Variants in CTDSPL observed in about 807,000 individuals in gnomAD.
The protein encoded by CTDSPL is CTD small phosphatase-like protein.
Under a neutral mutation model 30.5 loss-of-function variants are expected in CTDSPL, and 8 were observed. The observed-to-expected ratio is 0.26, with a 90% CI of 0.15 to 0.47. The LOEUF (loss-of-function observed/expected upper bound fraction) is 0.47. CTDSPL is among the 20% of genes least tolerant of loss of function. The probability of loss-of-function intolerance (pLI) is 0.99; values close to 1 mark genes in which losing one functional copy is unlikely to be tolerated. For synonymous variants in CTDSPL, 110 were observed against 137.9 expected (o/e 0.80, Z 1.42); for missense variants, 248 against 366.1 (o/e 0.68, Z 2.63).
In CTDSPL at chr3:37,862,235, C is replaced by G; in HGVS notation, c.36C>G (p.Asn12Lys). The G allele has an allele frequency of 6.7e-7, 1 of 1,486,034 alleles. No individual in the cohort carries two copies. The highest frequency in any genetic ancestry group is 8.9e-7 in the Non-Finnish European group (1 of 1,121,124). 92.1% of individuals were successfully genotyped at this position (1,486,034 alleles called of 1,614,324 possible). The change falls in exon 1 of 8, where the codon AAC becomes AAG. Residue 12 changes from asparagine (N) to lysine (K), a missense_variant. Coordinates refer to ENST00000273179, the MANE Select transcript of CTDSPL (RefSeq NM_001008392.2). This position sits in a 1 kb window ranked among gnomAD's most constrained non-coding sequence, Gnocchi z 4.3. ...CGGCCATCATCACCCAGGTGACCAA[C>G]CCCAAGGAGGACGAGGGCCGGTTGC... ...DGPAIITQVT[N>K]PKEDEGRLPG...
At chr3:37,967,780 T>A in intron 4 of CTDSPL, 46 bp from the exon 5 acceptor site, 2 of 1,415,454 alleles carry the variant, frequency 1.4e-6, no homozygotes, top group Non-Finnish European at 1.9e-6. Flanking sequence ...TTCCAGAGTT[T>A]TTTTGTTCCT....
chr3:37,976,338 A>G (rs1417813029), intron 7 of CTDSPL, among the ~76,000 whole-genome samples: 20 of 152,108 alleles, frequency 1.3e-4, no homozygotes, highest in Admixed American at 1.3e-3. Context: ...TAACAGAAGT[A>G]TTTCTTAAGA....
intron 2 of CTDSPL, among the ~76,000 whole-genome samples, chr3:37,953,926 C>G (rs1699138620): frequency 6.6e-6 from 1 of 152,160 alleles, no homozygotes; most frequent in African/African-American, 2.4e-5. Context: ...GATGACATGA[C>G]TGTTTACATA....
rs1002282391 is a variant in CTDSPL, at chr3:37,882,602, G to C, written c.79+20324G>C. On this transcript the variant is annotated intron_variant, in intron 1 of 7. Coordinates refer to ENST00000273179, the MANE Select transcript of CTDSPL (RefSeq NM_001008392.2). ...ACTGCACTCTAGCCTGAGTGACAGA[G>C]GAAGACTCCGTCTCAAAAAATAATA... is the stretch of plus-strand genomic sequence containing the variant. Among the ~76,000 whole-genome samples the C allele has an allele frequency of 1.1e-4, 17 of 152,042 alleles. No homozygotes were observed. The South Asian group carries it at 1.2e-3, about 11-fold the overall frequency.
chr3:37,966,955 A>G (rs1484427926), intron 4 of CTDSPL, among the ~76,000 whole-genome samples: 1 of 152,218 alleles, frequency 6.6e-6, no homozygotes, highest in Non-Finnish European at 1.5e-5. Context: ...TAATTTGTGG[A>G]ATTCCATTGA....
rs774347609 is a variant in CTDSPL at position 37,980,726 on chromosome 3, A to G, written c.706-16A>G. 3 of 1,614,100 alleles carry G rather than the reference A, an allele frequency of 1.9e-6. No homozygotes were observed. The highest frequency in any genetic ancestry group is 1.7e-5 in the Admixed American group (1 of 60,034). On this transcript the variant is annotated splice_polypyrimidine_tract_variant and intron_variant, in intron 7 of 7. Transcript: ENST00000273179. ...TAGATGCAGTCCTGCTGCCTCCTCCATGCACTGTCTTCCAGGTGCCTGTGC... is the reference window on the plus strand; with the variant it reads ...TAGATGCAGTCCTGCTGCCTCCTCCGTGCACTGTCTTCCAGGTGCCTGTGC...
In CTDSPL at chr3:37,952,197, CAGAA is replaced by C. The variant is rs1699118254; in HGVS notation, c.235-4909_235-4906del. Among the ~76,000 whole-genome samples, 4 of 150,426 alleles carry C rather than the reference CAGAA, an allele frequency of 2.7e-5. No individual in the cohort carries two copies. The South Asian group carries it at 8.5e-4, about 32-fold the overall frequency. On this transcript the variant is annotated intron_variant, in intron 2 of 7. Transcript: ENST00000273179. ...GTCTTGAAAGAAAGAAAAAAAGAAACAGAAAGAAGGAATGAAAGGAGAGAGAGAG... is the reference window on the plus strand; with the variant it reads ...GTCTTGAAAGAAAGAAAAAAAGAAACAGAAGGAATGAAAGGAGAGAGAGAG...
intron 1 of CTDSPL, among the ~76,000 whole-genome samples, chr3:37,927,636 A>ATGTGTGTGTGTGTG (rs71094932): frequency 1.3e-4 from 15 of 115,780 alleles, no homozygotes; most frequent in Admixed American, 8.0e-4. Flanking sequence ...AGAAAAATAT[A>ATGTGTGTGTGTGTG]TGTGTGTGTG....
At chr3:37,921,712 T>C (rs942496895) in intron 1 of CTDSPL, among the ~76,000 whole-genome samples, 4 of 152,284 alleles carry the variant, frequency 2.6e-5, no homozygotes, top group South Asian at 4.1e-4. Context: ...CTTTGAGGTC[T>C]ATGAGGCTTC....
At chr3:37,913,646 G>A (rs1266384603) in intron 1 of CTDSPL, among the ~76,000 whole-genome samples, 2 of 152,196 alleles carry the variant, frequency 1.3e-5, no homozygotes, top group Non-Finnish European at 2.9e-5. Context: ...GAATTTGGGT[G>A]ACGTAGTCTA....
At chr3:37,966,880 C>T (rs899393603) in intron 4 of CTDSPL, among the ~76,000 whole-genome samples, 14 of 152,198 alleles carry the variant, frequency 9.2e-5, no homozygotes, top group African/African-American at 3.4e-4. Flanking sequence ...TGTCTCTCTT[C>T]TCTTGTCCAG....
intron 3 of CTDSPL, among the ~76,000 whole-genome samples, chr3:37,961,791 G>A (rs1294927909): frequency 6.6e-6 from 1 of 152,154 alleles, no homozygotes; most frequent in Non-Finnish European, 1.5e-5. Flanking sequence ...CTTAAGTAAG[G>A]AAACAATAAT....
chr3:37,881,611 A>G (rs1380452638), intron 1 of CTDSPL, among the ~76,000 whole-genome samples: 1 of 152,242 alleles, frequency 6.6e-6, no homozygotes, highest in Non-Finnish European at 1.5e-5. Context: ...CTAACATAAC[A>G]TCTACTAACA....
At chr3:37,948,844 C>T (rs1372638257) in intron 2 of CTDSPL, among the ~76,000 whole-genome samples, 2 of 113,646 alleles carry the variant, frequency 1.8e-5, no homozygotes, top group Non-Finnish European at 1.6e-5. Context: ...GACGGAGTCT[C>T]GCTCTGTCGC....
intron 1 of CTDSPL, among the ~76,000 whole-genome samples, chr3:37,868,736 G>C (rs1405876302): frequency 1.3e-5 from 2 of 151,868 alleles, no homozygotes; most frequent in East Asian, 1.9e-4. Context: ...TCTGTTTCTG[G>C]GTTTATTTAT....
At chr3:37,893,752 C>T (rs977431822) in intron 1 of CTDSPL, among the ~76,000 whole-genome samples, 2 of 152,064 alleles carry the variant, frequency 1.3e-5, no homozygotes, top group African/African-American at 4.8e-5. Flanking sequence ...ATAGCCAGGG[C>T]GGTATAGACC....
chr3:37,865,149 A>T (rs1697994805), intron 1 of CTDSPL, among the ~76,000 whole-genome samples: 1 of 152,264 alleles, frequency 6.6e-6, no homozygotes, highest in Non-Finnish European at 1.5e-5. Flanking sequence ...CCTGTCACAG[A>T]ATGCTCATAT....
At chr3:37,912,289 C>G (rs1459749305) in intron 1 of CTDSPL, among the ~76,000 whole-genome samples, 1 of 152,182 alleles carries the variant, frequency 6.6e-6, no homozygotes, top group African/African-American at 2.4e-5. Context: ...CTCCTACCTT[C>G]CAGGCATGTG....
chr3:37,960,545 C>T (rs1193602420), intron 3 of CTDSPL, among the ~76,000 whole-genome samples: 95 of 101,046 alleles, frequency 9.4e-4, no homozygotes, highest in African/African-American at 3.3e-3. Context: ...TACACACACA[C>T]ACACACACAC....
Sources: allele counts gnomAD v4.1 joint callset (sites outside exome capture counted in the v4.1 genomes callset), GRCh38; gene constraint gnomAD v4.1.1; non-coding constraint Gnocchi (gnomAD v3.1); transcripts MANE v1.5; gene names NCBI Gene and HGNC (gene_info 2026-07-23, HGNC 2026-07-21).